The following DEPDC4 variants were observed in gnomAD, a reference collection of about 807,000 sequenced individuals.
DEPDC4 encodes DEP domain-containing protein 4.
Under a neutral mutation model 52.0 loss-of-function variants are expected in DEPDC4, and 52 were observed. That is an observed-to-expected ratio of 1.00 (90% CI 0.80 to 1.26). The LOEUF is 1.26. DEPDC4 is among the 50% of genes most tolerant of loss of function. DEPDC4 has a pLI of 0.00. For synonymous variants in DEPDC4, 201 were observed against 196.8 expected (o/e 1.02, Z -0.18); for missense variants, 530 against 546.9 (o/e 0.97, Z 0.31).
downstream of DEPDC4, among the ~76,000 whole-genome samples, chr12:100,238,922 C>T (rs76759432): frequency 0.028 from 4,225 of 152,276 alleles, 188 homozygotes; most frequent in African/African-American, 0.094. Context: ...ACTGTGCTTG[C>T]GCCACAGCCC....
downstream of DEPDC4, among the ~76,000 whole-genome samples, chr12:100,237,014 G>T (rs1215572934): frequency 6.6e-6 from 1 of 151,886 alleles, no homozygotes; most frequent in African/African-American, 2.4e-5. Flanking sequence ...TTTATTTCTG[G>T]GTTCTCTATT....
intron 7 of DEPDC4, 60 bp from the exon 8 acceptor site, chr12:100,249,038 A>G: frequency 1.5e-6 from 1 of 681,006 alleles, no homozygotes. Flanking sequence ...CAGCATTTCA[A>G]CATAGAAAGA....
the DEPDC4 span, among the ~76,000 whole-genome samples, chr12:100,281,034 T>G: frequency 1.1e-4 from 15 of 135,640 alleles, no homozygotes; most frequent in South Asian, 2.6e-4. Flanking sequence ...TTTTTTTTTT[T>G]TTTTTTTTTT....
the DEPDC4 span, among the ~76,000 whole-genome samples, chr12:100,277,194 A>G: frequency 2.0e-5 from 3 of 152,238 alleles, no homozygotes; most frequent in Non-Finnish European, 4.4e-5. Flanking sequence ...ACGTGTCTAC[A>G]TGAAAACCAT....
At chr12:100,248,608 G>A (rs893628554) in intron 8 of DEPDC4, among the ~76,000 whole-genome samples, 4 of 152,130 alleles carry the variant, frequency 2.6e-5, no homozygotes, top group Admixed American at 2.6e-4. Context: ...ACAACAGAGA[G>A]CACAGGAGCA....
chr12:100,279,653 A>G, the DEPDC4 span, among the ~76,000 whole-genome samples: 1 of 152,194 alleles, frequency 6.6e-6, no homozygotes, highest in Admixed American at 6.5e-5. Flanking sequence ...GATTTAGATT[A>G]GCTTTTACTC....
At chr12:100,280,713 G>A in the DEPDC4 span, among the ~76,000 whole-genome samples, 1 of 152,074 alleles carries the variant, frequency 6.6e-6, no homozygotes, top group Non-Finnish European at 1.5e-5. Context: ...GGTGCTTAAA[G>A]GAAATGCTCT....
At chr12:100,245,259 A>G (rs1332708095) in intron 8 of DEPDC4, among the ~76,000 whole-genome samples, 1 of 151,934 alleles carries the variant, frequency 6.6e-6, no homozygotes, top group South Asian at 2.1e-4. Flanking sequence ...CCTGGGATTC[A>G]TATTTGAGTC....
upstream of DEPDC4, chr12:100,267,102 G>T (rs1331902907): frequency 3.7e-6 from 6 of 1,609,030 alleles, no homozygotes; most frequent in Non-Finnish European, 4.2e-6. Context: ...GACACCCGGG[G>T]CGGAGAGAAG....
intron 7 of DEPDC4, 51 bp from the exon 8 acceptor site, chr12:100,249,029 A>C: frequency 1.3e-6 from 1 of 792,240 alleles, no homozygotes. Flanking sequence ...TTTTCTAGCC[A>C]GCATTTCAAC....
intron 9 of DEPDC4, among the ~76,000 whole-genome samples, chr12:100,233,782 G>A (rs945109695): frequency 1.3e-5 from 2 of 152,088 alleles, no homozygotes; most frequent in Non-Finnish European, 2.9e-5. Context: ...AGAGTGTACC[G>A]GAAGGAAAGA....
rs773094108 is a variant in DEPDC4, at chr12:100,263,554, G to C, written c.497C>G (p.Ser166Cys). ...CTTTTGTCTTTTGCAACAATCGTAA[G>C]ATGATTTATTGCCTAGAAACCTGTA... ...SLYRFLGNKS[S>C]YDCCKRQKDA... Residue 166 changes from serine to cysteine, a missense_variant, in exon 2 of 10, where the codon TCT becomes TGT. Physicochemically the swap from Ser to Cys is moderately radical, Grantham distance 112. Coordinates refer to ENST00000550587, the MANE Select transcript of DEPDC4 (RefSeq NM_001364818.2). The C allele has an allele frequency of 2.5e-6, 4 of 1,609,138 alleles. No homozygotes were observed. Among genetic ancestry groups the C allele is most frequent in the Admixed American group, 1.7e-5 (1 of 58,880 alleles).
intron 8 of DEPDC4, among the ~76,000 whole-genome samples, chr12:100,243,038 A>T (rs550215573): frequency 6.6e-6 from 1 of 152,352 alleles, no homozygotes; most frequent in East Asian, 1.9e-4. Flanking sequence ...CTATATATAC[A>T]TACCTATATT....
chr12:100,255,580 A>G (rs963155587), intron 4 of DEPDC4, among the ~76,000 whole-genome samples: 5 of 152,196 alleles, frequency 3.3e-5, no homozygotes, highest in Admixed American at 2.0e-4. Flanking sequence ...TGGCGTTGGG[A>G]GTAAAAGGGA....
intron 3 of DEPDC4, among the ~76,000 whole-genome samples, chr12:100,259,220 T>C (rs903100957): frequency 6.6e-6 from 1 of 152,016 alleles, no homozygotes; most frequent in South Asian, 2.1e-4. Context: ...GTAATCCCCA[T>C]GATCATGGTA....
chr12:100,248,804 C>G, intron 8 of DEPDC4, 96 bp downstream of exon 8: 1 of 428,638 alleles, frequency 2.3e-6, no homozygotes, highest in Non-Finnish European at 3.1e-6. Context: ...CAACATTTTA[C>G]ATATATTTAT....
At position 100,234,287 on chromosome 12, in the gene DEPDC4, G is replaced by A. The variant is rs373657632; in HGVS notation, c.*699+3681C>T. On this transcript the variant is annotated intron_variant and NMD_transcript_variant, in intron 9 of 10. Transcript: ENST00000378244. ...AGATACTAGCCTCAAATCTGGGTACGGCATGGCCAAGTGGTGGGAATTTAT... is the reference window on the plus strand; with the variant it reads ...AGATACTAGCCTCAAATCTGGGTACAGCATGGCCAAGTGGTGGGAATTTAT... Among the ~76,000 whole-genome samples, 7 of 152,236 alleles carry A rather than the reference G, an allele frequency of 4.6e-5. No homozygotes were observed. The East Asian group carries it at 1.4e-3, about 29-fold the overall frequency.
the DEPDC4 span, among the ~76,000 whole-genome samples, chr12:100,274,515 G>A: frequency 3.3e-5 from 5 of 152,150 alleles, no homozygotes; most frequent in African/African-American, 1.2e-4. Context: ...CATCTGTCCT[G>A]AAAGAAGCAA....
chr12:100,275,213 T>C, the DEPDC4 span, among the ~76,000 whole-genome samples: 1 of 152,158 alleles, frequency 6.6e-6, no homozygotes, highest in Admixed American at 6.5e-5. Flanking sequence ...TTTTTTTTCT[T>C]TTTTTTGAGA....
Sources: allele counts gnomAD v4.1 joint callset (sites outside exome capture counted in the v4.1 genomes callset), GRCh38; gene constraint gnomAD v4.1.1; transcripts MANE v1.5; gene names NCBI Gene and HGNC (gene_info 2026-07-23, HGNC 2026-07-21).